FGF12: variants seen among roughly 807,000 people sequenced by gnomAD.
The protein encoded by FGF12 is fibroblast growth factor 12.
FGF12 carries 14 observed loss-of-function variants against 23.6 expected under a neutral mutation model. That is an observed-to-expected ratio of 0.59 (90% CI 0.39 to 0.93). The LOEUF (loss-of-function observed/expected upper bound fraction) is 0.93, where lower values mean the gene tolerates loss of function less well. Among genes scored for constraint, FGF12 ranks in the 40% least tolerant of loss-of-function variants. FGF12 has a pLI of 0.00. For missense variants in FGF12, 175 were observed against 217.8 expected (o/e 0.80, Z 1.24); for synonymous variants, 62 against 77.3 (o/e 0.80, Z 1.04).
At chr3:192,490,832 G>A (rs1723780516) in intron 2 of FGF12, among the ~76,000 whole-genome samples, 1 of 152,090 alleles carries the variant, frequency 6.6e-6, no homozygotes, top group African/African-American at 2.4e-5. Flanking sequence ...TTTCAAACAG[G>A]CACCTAATCG....
chr3:192,692,856 G>A (rs146370337), intron 2 of FGF12, among the ~76,000 whole-genome samples: 494 of 151,914 alleles, frequency 3.3e-3, no homozygotes, highest in Non-Finnish European at 6.1e-3. Flanking sequence ...TAGTCTACAT[G>A]ACAATCAATG....
At chr3:192,385,657 GTTTA>G (rs1178069612) in intron 2 of FGF12, among the ~76,000 whole-genome samples, 2 of 39,534 alleles carry the variant, frequency 5.1e-5, no homozygotes, top group Non-Finnish European at 1.1e-4. Context: ...ATAAACCATA[GTTTA>G]TATGTCCAAG....
At chr3:192,320,370 C>T (rs1047762468) in intron 4 of FGF12, among the ~76,000 whole-genome samples, 11 of 152,080 alleles carry the variant, frequency 7.2e-5, no homozygotes, top group African/African-American at 1.4e-4. Context: ...AAATAATAAC[C>T]GGAGACTTCA....
At chr3:192,397,225 A>T (rs1720563251) in intron 2 of FGF12, among the ~76,000 whole-genome samples, 1 of 152,222 alleles carries the variant, frequency 6.6e-6, no homozygotes, top group Admixed American at 6.5e-5. Flanking sequence ...CGGCCTGGCC[A>T]CAATGCTGCC....
intron 2 of FGF12, among the ~76,000 whole-genome samples, chr3:192,521,958 G>T (rs1311113632): frequency 6.6e-6 from 1 of 152,040 alleles, no homozygotes; most frequent in Non-Finnish European, 1.5e-5. Context: ...TTTTACTTTG[G>T]GAGGCCGAGG....
At chr3:192,158,382 CTTTTCTT>C (rs773882364) in intron 5 of FGF12, among the ~76,000 whole-genome samples, 6 of 81,468 alleles carry the variant, frequency 7.4e-5, no homozygotes, top group African/African-American at 1.7e-4. Context: ...TTCTTTCTTT[CTTTTCTT>C]TCTCTCTCTT....
At chr3:192,267,329 A>G (rs1713143149) in intron 4 of FGF12, among the ~76,000 whole-genome samples, 1 of 152,132 alleles carries the variant, frequency 6.6e-6, no homozygotes, top group African/African-American at 2.4e-5. Flanking sequence ...CCAAAATACA[A>G]TGTGCAAGGT....
intron 2 of FGF12, among the ~76,000 whole-genome samples, chr3:192,615,291 TAGA>T (rs1714716339): frequency 6.6e-6 from 1 of 152,056 alleles, no homozygotes; most frequent in Non-Finnish European, 1.5e-5. Context: ...TTTATTCTAT[TAGA>T]AGATGAAAAG....
intron 2 of FGF12, among the ~76,000 whole-genome samples, chr3:192,410,474 G>C (rs1383636057): frequency 2.6e-5 from 4 of 152,176 alleles, no homozygotes; most frequent in Non-Finnish European, 5.9e-5. Flanking sequence ...CAAAGAAGAG[G>C]TGGGATGGGG....
At chr3:192,530,072 G>T (rs74924797) in intron 2 of FGF12, among the ~76,000 whole-genome samples, 43 of 151,884 alleles carry the variant, frequency 2.8e-4, no homozygotes, top group African/African-American at 9.9e-4. Flanking sequence ...TCCTCTTATT[G>T]GATTGTATGT....
At chr3:192,605,912 T>C (rs1029412479) in intron 2 of FGF12, among the ~76,000 whole-genome samples, 5 of 152,300 alleles carry the variant, frequency 3.3e-5, no homozygotes, top group South Asian at 4.1e-4. Context: ...GCTTATAAAC[T>C]GTTGGTGGGA....
intron 4 of FGF12, among the ~76,000 whole-genome samples, chr3:192,324,283 C>G (rs1047729184): frequency 6.6e-6 from 1 of 152,064 alleles, no homozygotes. Flanking sequence ...AAGCAATCCC[C>G]CAAGACCAGA....
chr3:192,246,288 C>A (rs932282946), intron 4 of FGF12, among the ~76,000 whole-genome samples: 4 of 151,970 alleles, frequency 2.6e-5, no homozygotes, highest in African/African-American at 9.7e-5. Flanking sequence ...CATCAAGAAC[C>A]ACTTGGAACA....
intron 4 of FGF12, among the ~76,000 whole-genome samples, chr3:192,245,710 G>A (rs1239906059): frequency 1.3e-5 from 2 of 152,148 alleles, no homozygotes; most frequent in Admixed American, 6.6e-5. Context: ...AATACAATTT[G>A]GTCCATGTTA....
chr3:192,544,260 A>G, intron 2 of FGF12, among the ~76,000 whole-genome samples: 1 of 151,422 alleles, frequency 6.6e-6, no homozygotes, highest in African/African-American at 2.4e-5. Context: ...GGGGAGGGGG[A>G]TGGGTACTGT....
At chr3:192,255,332 C>T (rs903876321) in intron 4 of FGF12, among the ~76,000 whole-genome samples, 6 of 151,808 alleles carry the variant, frequency 4.0e-5, no homozygotes, top group African/African-American at 9.7e-5. Flanking sequence ...TAACAAAAGC[C>T]AATGAATAGG....
intron 2 of FGF12, among the ~76,000 whole-genome samples, chr3:192,373,702 G>A (rs1392562980): frequency 6.6e-6 from 1 of 152,172 alleles, no homozygotes. Context: ...TTAGGGACAA[G>A]TGAAACACAG....
chr3:192,264,639 T>C (rs981505842), intron 4 of FGF12, among the ~76,000 whole-genome samples: 3 of 152,134 alleles, frequency 2.0e-5, no homozygotes, highest in Admixed American at 6.6e-5. Flanking sequence ...ACAGAGAGGA[T>C]AGAAACGTTG....
At chr3:192,312,274 C>G (rs1715989140) in intron 4 of FGF12, among the ~76,000 whole-genome samples, 1 of 152,102 alleles carries the variant, frequency 6.6e-6, no homozygotes. Flanking sequence ...TGCTTTCTTC[C>G]ATGAGTTTTA....
Sources: allele counts gnomAD v4.1 joint callset (sites outside exome capture counted in the v4.1 genomes callset), GRCh38; gene constraint gnomAD v4.1.1; transcripts MANE v1.5; gene names NCBI Gene and HGNC (gene_info 2026-07-23, HGNC 2026-07-21).